The following SDC2 variants were observed in gnomAD, a reference collection of about 807,000 sequenced individuals.
SDC2 encodes the protein syndecan 2, also known as syndecan-2.
Under a neutral mutation model 22.2 loss-of-function variants are expected in SDC2, and 13 were observed. The observed-to-expected ratio is 0.59, with a 90% CI of 0.38 to 0.93. The LOEUF (loss-of-function observed/expected upper bound fraction) is 0.93, where lower values mean the gene tolerates loss of function less well. SDC2 is among the 40% of genes least tolerant of loss of function. SDC2 has a pLI of 0.00. For synonymous variants in SDC2, 94 were observed against 92.8 expected (o/e 1.01, Z -0.07); for missense variants, 235 against 246.8 (o/e 0.95, Z 0.32).
intron 2 of SDC2, among the ~76,000 whole-genome samples, chr8:96,596,598 T>A (rs2130640741): frequency 6.6e-6 from 1 of 152,268 alleles, no homozygotes; most frequent in South Asian, 2.1e-4. Flanking sequence ...ACATGAGAAA[T>A]AATCATTGTG....
At chr8:96,563,574 C>T (rs1194812630) in intron 1 of SDC2, among the ~76,000 whole-genome samples, 2 of 152,204 alleles carry the variant, frequency 1.3e-5, no homozygotes, top group Non-Finnish European at 2.9e-5. Context: ...ACACGGGGCC[C>T]AACTCCCAGA....
chr8:96,493,966 C>T lies in SDC2; in HGVS notation c.-306C>T. The T allele has an allele frequency of 2.2e-6, 1 of 449,580 alleles. No individual in the cohort carries two copies. Among genetic ancestry groups the T allele is most frequent in the Non-Finnish European group, 3.9e-6 (1 of 256,468 alleles). 27.8% of individuals were successfully genotyped at this position (449,580 alleles called of 1,614,324 possible). A position where few individuals can be genotyped will look rare whatever the true frequency, so the allele number is the denominator to read the frequency against. ...AAAGGAGTCCGCGGAGGAGCAAAAC[C>T]ACAGCAGAGCAAGAAGAGCTTCAGA... On this transcript the variant is annotated 5_prime_UTR_variant, in exon 1 of 5. Transcript: ENST00000302190.
chr8:96,543,069 T>C (rs1156721524), intron 1 of SDC2, among the ~76,000 whole-genome samples: 2 of 152,166 alleles, frequency 1.3e-5, no homozygotes, highest in Non-Finnish European at 2.9e-5. Context: ...TAGATGTTTT[T>C]TGGATGGAAA....
intron 1 of SDC2, among the ~76,000 whole-genome samples, chr8:96,590,678 T>C (rs1346634838): frequency 6.6e-6 from 1 of 152,166 alleles, no homozygotes; most frequent in Non-Finnish European, 1.5e-5. Flanking sequence ...AGGTATTCAT[T>C]ATCTGCTACA....
At chr8:96,580,946 G>C (rs1814579205) in intron 1 of SDC2, among the ~76,000 whole-genome samples, 2 of 152,140 alleles carry the variant, frequency 1.3e-5, no homozygotes, top group Admixed American at 1.3e-4. Flanking sequence ...AGGGGCCTCT[G>C]TAGTATGGCT....
At chr8:96,522,248 G>A (rs1289318506) in intron 1 of SDC2, among the ~76,000 whole-genome samples, 1 of 152,194 alleles carries the variant, frequency 6.6e-6, no homozygotes, top group Non-Finnish European at 1.5e-5. Flanking sequence ...TTGCCTTAGA[G>A]CTATGCCTTG....
intron 1 of SDC2, among the ~76,000 whole-genome samples, chr8:96,513,496 A>G (rs1563643806): frequency 6.6e-6 from 1 of 152,222 alleles, no homozygotes; most frequent in African/African-American, 2.4e-5. Flanking sequence ...ATTTAATACT[A>G]TAAACTATTT....
chr8:96,563,694 G>A (rs1341337557), intron 1 of SDC2, among the ~76,000 whole-genome samples: 2 of 152,080 alleles, frequency 1.3e-5, no homozygotes, highest in Admixed American at 6.6e-5. Context: ...ATTCTAATAC[G>A]TTTTGGTTAA....
chr8:96,547,748 TA>T (rs200481673), intron 1 of SDC2, among the ~76,000 whole-genome samples: 9,585 of 149,468 alleles, frequency 0.064, 486 homozygotes, highest in African/African-American at 0.14. Context: ...TTTTTTTTTT[TA>T]AATTTTTATG....
intron 1 of SDC2, among the ~76,000 whole-genome samples, chr8:96,494,982 G>A (rs1813046923): frequency 6.6e-6 from 1 of 152,216 alleles, no homozygotes; most frequent in Non-Finnish European, 1.5e-5. Flanking sequence ...GGCACGGAAC[G>A]CGTCCGAAAA....
intron 1 of SDC2, among the ~76,000 whole-genome samples, chr8:96,581,634 A>T (rs560044392): frequency 1.3e-3 from 78 of 59,808 alleles, no homozygotes; most frequent in Non-Finnish European, 3.2e-4. Context: ...TCTGTCTCTT[A>T]AAAAAAAAAA....
chr8:96,504,318 G>A (rs926928975), intron 1 of SDC2, among the ~76,000 whole-genome samples: 21 of 152,136 alleles, frequency 1.4e-4, no homozygotes, highest in African/African-American at 4.8e-4. Context: ...ATAAAGGATG[G>A]GCCATGACAT....
chr8:96,521,553 T>C (rs1813497771), intron 1 of SDC2, among the ~76,000 whole-genome samples: 1 of 152,236 alleles, frequency 6.6e-6, no homozygotes, highest in South Asian at 2.1e-4. Flanking sequence ...ATCTGTGTTG[T>C]AAGAAAAGTG....
chr8:96,585,950 C>T (rs967878537), intron 1 of SDC2, among the ~76,000 whole-genome samples: 2 of 150,008 alleles, frequency 1.3e-5, no homozygotes, highest in Non-Finnish European at 2.9e-5. Flanking sequence ...TTACTTGGAG[C>T]TTTGTTGGCT....
chr8:96,596,962 G>A (rs949202791), intron 2 of SDC2, among the ~76,000 whole-genome samples: 6 of 152,118 alleles, frequency 3.9e-5, no homozygotes, highest in African/African-American at 1.4e-4. Flanking sequence ...GGGTGAGAGT[G>A]ATGTTAAACT....
intron 1 of SDC2, among the ~76,000 whole-genome samples, chr8:96,561,543 T>C (rs892857960): frequency 1.3e-5 from 2 of 152,264 alleles, no homozygotes; most frequent in African/African-American, 4.8e-5. Flanking sequence ...TCCAGATGGC[T>C]ATTACTCACA....
intron 1 of SDC2, among the ~76,000 whole-genome samples, chr8:96,584,502 T>G (rs1160509699): frequency 6.6e-6 from 1 of 152,236 alleles, no homozygotes; most frequent in Non-Finnish European, 1.5e-5. Flanking sequence ...TTACAAACAC[T>G]TCTGAATACG....
At chr8:96,499,668 A>G (rs2130418224) in intron 1 of SDC2, among the ~76,000 whole-genome samples, 1 of 152,236 alleles carries the variant, frequency 6.6e-6, no homozygotes, top group Admixed American at 6.5e-5. Context: ...CCTTTATAAC[A>G]TGACTGTTGT....
At position 96,611,502 on chromosome 8, in the gene SDC2, C is replaced by T. The variant is rs1815174881; in HGVS notation, c.*1954C>T. The T allele has an allele frequency of 6.6e-6, 1 of 152,482 alleles. No homozygotes were observed. Among genetic ancestry groups the T allele is most frequent in the Non-Finnish European group, 1.5e-5 (1 of 68,020 alleles). The allele number at this position is 152,482 out of a possible 1,614,324, so 9.4% of individuals were successfully genotyped here. Reference sequence around the variant, plus strand: ...CCTTAATTAATTCTCAGATTCCTGCCCCATCACTTACAGAACCAATTCACT... The same window carrying T: ...CCTTAATTAATTCTCAGATTCCTGCTCCATCACTTACAGAACCAATTCACT... On this transcript the variant is annotated 3_prime_UTR_variant, in exon 5 of 5. Transcript: ENST00000302190.
Sources: allele counts gnomAD v4.1 joint callset (sites outside exome capture counted in the v4.1 genomes callset), GRCh38; gene constraint gnomAD v4.1.1; transcripts MANE v1.5; gene names NCBI Gene and HGNC (gene_info 2026-07-23, HGNC 2026-07-21).